The following CKMT1A variants were observed in gnomAD, a reference collection of about 807,000 sequenced individuals.
CKMT1A encodes creatine kinase, mitochondrial 1A.
Under a neutral mutation model 21.8 loss-of-function variants are expected in CKMT1A, and 23 were observed. The observed-to-expected ratio is 1.05, with a 90% confidence interval of 0.76 to 1.49. The LOEUF is 1.49. Ranked by LOEUF, CKMT1A falls within the 40% of genes most tolerant of loss-of-function variation. The pLI, the probability that CKMT1A is intolerant of heterozygous loss-of-function variation, is 0.00. For synonymous variants in CKMT1A, 67 were observed against 80.4 expected, an observed-to-expected ratio of 0.83 and a Z score of 0.89; for missense variants, 154 against 229.4, an observed-to-expected ratio of 0.67 and a Z score of 2.12.
At position 43,698,092 on chromosome 15, in the gene CKMT1A, A is replaced by C. The variant is rs2086477445; in HGVS notation, c.955A>C (p.Asn319His). The change falls in exon 7 of 9, where the codon AAC becomes CAC. Residue 319 changes from asparagine to histidine, a missense_variant. Coordinates refer to ENST00000413453, the MANE Select transcript of CKMT1A (RefSeq NM_001321926.2). ...GGGATACATCTTGACCTGTCCATCTAACCTGGGCACTGGACTTCGGGCAGG... is the reference window on the plus strand; with the variant it reads ...GGGATACATCTTGACCTGTCCATCTCACCTGGGCACTGGACTTCGGGCAGG... ...RLGYILTCPS[N>H]LGTGLRAGVH... 3 of 1,613,096 alleles carry C rather than the reference A, an allele frequency of 1.9e-6. No individual in the cohort carries two copies. The highest frequency in any genetic ancestry group is 2.5e-6 in the Non-Finnish European group (3 of 1,179,270).
intron 7 of CKMT1A, among the ~76,000 whole-genome samples, chr15:43,698,418 G>A (rs1246849012): frequency 6.6e-6 from 1 of 151,140 alleles, no homozygotes; most frequent in Non-Finnish European, 1.5e-5. Flanking sequence ...TGTAGTGGAG[G>A]CTGAGGTGAG....
intron 6 of CKMT1A, chr15:43,696,989 T>G (rs1428142991): frequency 1.0e-5 from 3 of 288,112 alleles, no homozygotes; most frequent in Non-Finnish European, 2.1e-5. Flanking sequence ...CTCAATTCAA[T>G]TCTTACTGTA....
intron 6 of CKMT1A, 199 bp from the exon 7 acceptor site, chr15:43,697,815 G>T: frequency 1.0e-6 from 1 of 983,054 alleles, no homozygotes; most frequent in Non-Finnish European, 1.2e-6. Flanking sequence ...TCATTATTAT[G>T]CACATCATAA....
Position 43,696,484 on chromosome 15 carries a change from C to A in CKMT1A, c.876+121C>A, listed in dbSNP as rs2411269. The A allele has an allele frequency of 3.7e-4, 546 of 1,495,308 alleles. 9 individuals are homozygous for A. Among genetic ancestry groups the A allele is most frequent in the Non-Finnish European group, 2.9e-4 (321 of 1,094,206 alleles). The allele number at this position is 1,495,308 out of a possible 1,614,324, so 92.6% of individuals were successfully genotyped here. A position where few individuals can be genotyped will look rare whatever the true frequency, so the allele number is the denominator to read the frequency against. Reference sequence around the variant, plus strand: ...ACATGTCTGATGGTAAAAAGGACTACCTAGGACTCACTCTAGGACTAAAGG... The same window carrying A: ...ACATGTCTGATGGTAAAAAGGACTAACTAGGACTCACTCTAGGACTAAAGG... On this transcript the variant is annotated intron_variant, in intron 6 of 8. Coordinates refer to ENST00000413453, the MANE Select transcript of CKMT1A (RefSeq NM_001321926.2).
Position 43,699,208 on chromosome 15 carries a change from C to T in CKMT1A, c.*119C>T. On this transcript the variant is annotated 3_prime_UTR_variant, in exon 9 of 9. Coordinates refer to ENST00000413453, the MANE Select transcript of CKMT1A (RefSeq NM_001321926.2). ...CCCTGCCTCCATCCTAGTAAAGACT[C>T]CTTGCTATGCTGCAGCTGTCTGTGT... 6.8e-7 allele frequency: 1 copy of T among 1,479,120 alleles called. No individual in the cohort carries two copies. Among genetic ancestry groups the T allele is most frequent in the Non-Finnish European group, 9.3e-7 (1 of 1,077,054 alleles). The allele number at this position is 1,479,120 out of a possible 1,614,324, so 91.6% of individuals were successfully genotyped here.
In CKMT1A at chr15:43,698,068, G is replaced by T; in HGVS notation, c.931G>T (p.Gly311Ter). 1 of 1,613,378 alleles carries T rather than the reference G, an allele frequency of 6.2e-7. No individual in the cohort carries two copies. Among genetic ancestry groups the T allele is most frequent in the Non-Finnish European group, 8.5e-7 (1 of 1,179,576 alleles). ...GWEFMWNERL[G>*]YILTCPSNLG... Reference sequence around the variant, plus strand: ...GGAGTTCATGTGGAATGAGCGTTTGGGATACATCTTGACCTGTCCATCTAA... The same window carrying T: ...GGAGTTCATGTGGAATGAGCGTTTGTGATACATCTTGACCTGTCCATCTAA... The change falls in exon 7 of 9, where the codon GGA becomes TGA. Residue 311 changes from glycine to a stop codon, truncating the protein, a stop_gained. Coordinates refer to ENST00000413453, the MANE Select transcript of CKMT1A (RefSeq NM_001321926.2). LOFTEE classifies it high-confidence loss of function.
Position 43,698,037 on chromosome 15 carries a change from T to C in CKMT1A, c.900T>C (p.Arg300=). The C allele has an allele frequency of 6.2e-7, 1 of 1,613,450 alleles. No homozygotes were observed. Among genetic ancestry groups the C allele is most frequent in the Non-Finnish European group, 8.5e-7 (1 of 1,179,772 alleles). The change falls in exon 7 of 9, where the codon CGT becomes CGC. Residue 300 remains arginine, a synonymous_variant. Coordinates refer to ENST00000413453, the MANE Select transcript of CKMT1A (RefSeq NM_001321926.2). ...LKEVERLIQE[R]GWEFMWNERL... ...AGGTGGAGAGACTTATCCAAGAACG[T>C]GGCTGGGAGTTCATGTGGAATGAGC...
At chr15:43,698,804 G>C (rs1489616511) in intron 8 of CKMT1A, 38 bp downstream of exon 8, 2 of 1,611,656 alleles carry the variant, frequency 1.2e-6, no homozygotes. Flanking sequence ...AGAGGTATAG[G>C]TCTGTGGGGG....
chr15:43,699,140 T>C lies in CKMT1A; in HGVS notation c.*51T>C. ...AGATTCCAAGGAGTTCTGCTCATTC[T>C]AATGATGGCCCATTCTACTTGCTCT... On this transcript the variant is annotated 3_prime_UTR_variant, in exon 9 of 9. Transcript: ENST00000413453. 18 of 1,613,160 alleles carry C rather than the reference T, an allele frequency of 1.1e-5. No individual in the cohort carries two copies. The highest frequency in any genetic ancestry group is 1.5e-5 in the Non-Finnish European group (18 of 1,179,696).
At chr15:43,698,856 T>C (rs2086496173) in intron 8 of CKMT1A, 90 bp downstream of exon 8, 1 of 1,603,712 alleles carries the variant, frequency 6.2e-7, no homozygotes, top group Non-Finnish European at 8.5e-7. Context: ...TGTAACATAA[T>C]CTGAAATGAA....
rs2086503364 is a variant in CKMT1A, at chr15:43,699,139, C to T, written c.*50C>T. On this transcript the variant is annotated 3_prime_UTR_variant, in exon 9 of 9. Coordinates refer to ENST00000413453, the MANE Select transcript of CKMT1A (RefSeq NM_001321926.2). ...AAGATTCCAAGGAGTTCTGCTCATT[C>T]TAATGATGGCCCATTCTACTTGCTC... 6.2e-7 allele frequency: 1 copy of T among 1,613,126 alleles called. No individual in the cohort carries two copies.
At chr15:43,698,906 AAGTC>A in intron 8 of CKMT1A, 63 bp from the exon 9 acceptor site, 1 of 1,605,332 alleles carries the variant, frequency 6.2e-7, no homozygotes, top group Non-Finnish European at 8.5e-7. Flanking sequence ...ATGAGCAGGC[AAGTC>A]AGTCAGTGAT....
At position 43,698,792 on chromosome 15, in the gene CKMT1A, G is replaced by A. The variant is rs755539963; in HGVS notation, c.1137+26G>A. 9.3e-6 allele frequency: 15 copies of A among 1,613,392 alleles called. No homozygotes were observed. In the South Asian group the frequency reaches 1.4e-4, roughly 15 times the overall value. ...GTGAGATCCTAAGGGATTAGGATGA[G>A]GAGAGGTATAGGTCTGTGGGGGCTG... On this transcript the variant is annotated intron_variant, in intron 8 of 8. Transcript: ENST00000413453.
At chr15:43,697,464 A>T in intron 6 of CKMT1A, 1 of 984,708 alleles carries the variant, frequency 1.0e-6, no homozygotes, top group Non-Finnish European at 1.2e-6. Context: ...TACATGGTTA[A>T]TGGAAGCAAA....
chr15:43,698,506 T>TCTAAAAAAAAAAAA, intron 7 of CKMT1A, 135 bp from the exon 8 acceptor site: 1 of 1,105,536 alleles, frequency 9.0e-7, no homozygotes, highest in East Asian at 2.5e-5. Context: ...AGAGACCCTG[T>TCTAAAAAAAAAAAA]CTAAAAAAAA....
At chr15:43,697,456 C>T in intron 6 of CKMT1A, 1 of 984,396 alleles carries the variant, frequency 1.0e-6, no homozygotes, top group Non-Finnish European at 1.2e-6. Context: ...TTCATGACTA[C>T]ATGGTTAATG....
chr15:43,697,791 A>G, intron 6 of CKMT1A: 2 of 984,520 alleles, frequency 2.0e-6, no homozygotes, highest in South Asian at 9.4e-5. Context: ...CACATAAGAT[A>G]TTTTTTCACA....
chr15:43,697,878 A>C, intron 6 of CKMT1A, 136 bp from the exon 7 acceptor site: 1 of 1,489,912 alleles, frequency 6.7e-7, no homozygotes, highest in South Asian at 1.5e-5. Context: ...ATTTAAAAAA[A>C]GACCAATGTC....
intron 6 of CKMT1A, chr15:43,697,328 T>A: frequency 7.9e-7 from 1 of 1,267,856 alleles, no homozygotes; most frequent in South Asian, 1.3e-5. Flanking sequence ...ACATAAGATA[T>A]CCCTGGTGGC....
Sources: gnomAD v4.1 joint callset for allele counts (sites outside exome capture counted in the v4.1 genomes callset) on GRCh38, gnomAD v4.1.1 for gene constraint, MANE v1.5 for transcripts, NCBI Gene and HGNC (gene_info 2026-07-23, HGNC 2026-07-21) for gene names.